DNAJC11: variants seen among roughly 807,000 people sequenced by gnomAD.
DNAJC11 encodes the protein DnaJ heat shock protein family (Hsp40) member C11, also known as dnaJ homolog subfamily C member 11.
Under a neutral mutation model 78.6 loss-of-function variants are expected in DNAJC11, and 15 were observed. The ratio of observed to expected loss-of-function variants is 0.19; its 90% CI spans 0.13 to 0.29. The LOEUF (loss-of-function observed/expected upper bound fraction) is 0.29, where lower values mean the gene tolerates loss of function less well. DNAJC11 is among the 10% of genes least tolerant of loss of function. DNAJC11 has a pLI of 1.00. For missense variants in DNAJC11, 547 were observed against 709.6 expected, an observed-to-expected ratio of 0.77 and a Z score of 2.60; for synonymous variants, 292 against 272.1, an observed-to-expected ratio of 1.07 and a Z score of -0.72.
At chr1:6,684,776 G>A (rs553725221) in intron 1 of DNAJC11, among the ~76,000 whole-genome samples, 96 of 152,154 alleles carry the variant, frequency 6.3e-4, no homozygotes, top group Non-Finnish European at 1.1e-3. Flanking sequence ...ACACCTAAAG[G>A]TACATTCTTA....
Position 6,696,513 on chromosome 1 carries a change from T to C in DNAJC11, c.72+5216A>G, listed in dbSNP as rs576560954. Among the ~76,000 whole-genome samples, 11 of 152,290 alleles carry C rather than the reference T, an allele frequency of 7.2e-5. No individual in the cohort carries two copies. In the South Asian group the frequency reaches 1.5e-3, roughly 20 times the overall value. ...CTACTCTTCTAGCCCTTCCTTTCCATCTGCAGCTCAAACTCAACTGTTGGG... is the reference window on the plus strand; with the variant it reads ...CTACTCTTCTAGCCCTTCCTTTCCACCTGCAGCTCAAACTCAACTGTTGGG... On this transcript the variant is annotated intron_variant, in intron 1 of 15. Coordinates refer to ENST00000377577, the MANE Select transcript of DNAJC11 (RefSeq NM_018198.4).
intron 1 of DNAJC11, among the ~76,000 whole-genome samples, chr1:6,694,271 G>A (rs1012613930): frequency 6.6e-6 from 1 of 152,108 alleles, no homozygotes; most frequent in African/African-American, 2.4e-5. Flanking sequence ...TATGGGGCAA[G>A]TTCAGCTAAC....
chr1:6,638,592 A>AGT (rs1449885905), intron 11 of DNAJC11, among the ~76,000 whole-genome samples: 1 of 152,174 alleles, frequency 6.6e-6, no homozygotes, highest in African/African-American at 2.4e-5. Flanking sequence ...CCTCCTCACC[A>AGT]AGCTGACGGG....
chr1:6,673,195 C>CAAT (rs1642408099), intron 3 of DNAJC11, among the ~76,000 whole-genome samples: 1 of 39,292 alleles, frequency 2.5e-5, no homozygotes, highest in Non-Finnish European at 4.1e-5. Context: ...AACTCCATCT[C>CAAT]AAAAAAAAAA....
At chr1:6,700,114 T>A (rs1245287129) in intron 1 of DNAJC11, among the ~76,000 whole-genome samples, 1 of 152,212 alleles carries the variant, frequency 6.6e-6, no homozygotes, top group Non-Finnish European at 1.5e-5. Flanking sequence ...ATTGGCCTTA[T>A]GACAATACAC....
At chr1:6,696,071 C>T (rs1468644430) in intron 1 of DNAJC11, among the ~76,000 whole-genome samples, 1 of 152,190 alleles carries the variant, frequency 6.6e-6, no homozygotes, top group Non-Finnish European at 1.5e-5. Context: ...AGCCTCTTGG[C>T]TTACAGAACA....
At chr1:6,659,685 C>T (rs1642179355) in intron 4 of DNAJC11, among the ~76,000 whole-genome samples, 1 of 152,082 alleles carries the variant, frequency 6.6e-6, no homozygotes, top group Non-Finnish European at 1.5e-5. Flanking sequence ...TGCTTGAATC[C>T]AGGAGGTGGA....
At position 6,635,271 on chromosome 1, in the gene DNAJC11, G is replaced by T. The variant is rs11892; in HGVS notation, c.*404C>A. ...TTTCAGGTTGTTTCCCATGTTCAGC[G>T]TGGACTGCAGAAGTGGCTCACGCTC... On this transcript the variant is annotated 3_prime_UTR_variant, in exon 16 of 16. Transcript: ENST00000377577. The T allele has an allele frequency of 0.33, 59,364 of 182,400 alleles. 9,950 individuals carry two copies. The highest frequency in any genetic ancestry group is 0.42 in the South Asian group (3,363 of 8,040). The allele number at this position is 182,400 out of a possible 1,614,324, so 11.3% of individuals were successfully genotyped here. A position where few individuals can be genotyped will look rare whatever the true frequency, so the allele number is the denominator to read the frequency against.
rs759679317 is a variant in DNAJC11 at position 6,645,026 on chromosome 1, C to T, written c.980+15G>A. ...AGTACCAGTGTGCTTCCATTTTAGC[C>T]AGGCCAGGACTTACTTGAGGGATCC... On this transcript the variant is annotated intron_variant, in intron 9 of 15. Transcript: ENST00000377577. The surrounding 1 kb of genome is among the most constrained non-coding windows in gnomAD (Gnocchi z 4.1). 65 of 1,612,882 alleles carry T rather than the reference C, an allele frequency of 4.0e-5. No individual in the cohort carries two copies. The East Asian group carries it at 1.4e-3, about 35-fold the overall frequency.
At chr1:6,655,200 T>C (rs1030064716) in intron 4 of DNAJC11, among the ~76,000 whole-genome samples, 4 of 152,242 alleles carry the variant, frequency 2.6e-5, no homozygotes, top group African/African-American at 9.6e-5. Context: ...AATGCTACTA[T>C]AAACTCAATC....
At chr1:6,695,832 A>T (rs1000344463) in intron 1 of DNAJC11, among the ~76,000 whole-genome samples, 2 of 151,966 alleles carry the variant, frequency 1.3e-5, no homozygotes, top group African/African-American at 4.8e-5. Context: ...AAATTGAGAA[A>T]CAGAAAGGTT....
At position 6,666,946 on chromosome 1, in the gene DNAJC11, G is replaced by A. The variant is rs183600329; in HGVS notation, c.378+763C>T. ...TTTAAACACAGCTGAACAGTACACCGGGCCATGTTTCATTAGCCATTCAGT... is the reference window on the plus strand; with the variant it reads ...TTTAAACACAGCTGAACAGTACACCAGGCCATGTTTCATTAGCCATTCAGT... On this transcript the variant is annotated intron_variant, in intron 4 of 15. Transcript: ENST00000377577. Among the ~76,000 whole-genome samples, 5 of 152,154 alleles carry A rather than the reference G, an allele frequency of 3.3e-5. No individual in the cohort carries two copies. In the East Asian group the frequency reaches 5.8e-4, roughly 18 times the overall value.
At chr1:6,696,673 C>T (rs1570319530) in intron 1 of DNAJC11, among the ~76,000 whole-genome samples, 2 of 152,188 alleles carry the variant, frequency 1.3e-5, no homozygotes, top group African/African-American at 2.4e-5. Flanking sequence ...GTAGGTGATA[C>T]TTTTGTACTT....
chr1:6,688,720 GTCCAAGA>G (rs1237267882), intron 1 of DNAJC11, among the ~76,000 whole-genome samples: 2 of 152,204 alleles, frequency 1.3e-5, no homozygotes, highest in African/African-American at 4.8e-5. Flanking sequence ...TGCTTTGGGT[GTCCAAGA>G]TGGGCTGCAG....
intron 3 of DNAJC11, among the ~76,000 whole-genome samples, chr1:6,668,912 C>T (rs1262377859): frequency 4.6e-5 from 7 of 152,044 alleles, no homozygotes; most frequent in African/African-American, 9.7e-5. Context: ...TCCGGCCTGG[C>T]GCGGTGGCTC....
intron 14 of DNAJC11, among the ~76,000 whole-genome samples, chr1:6,636,535 C>T (rs546058811): frequency 6.6e-6 from 1 of 152,288 alleles, no homozygotes; most frequent in Non-Finnish European, 1.5e-5. Flanking sequence ...GGTCCATGCC[C>T]CAGGCCCCAG....
intron 15 of DNAJC11, 88 bp downstream of exon 15, chr1:6,636,029 G>A: frequency 6.7e-7 from 1 of 1,498,970 alleles, no homozygotes; most frequent in South Asian, 1.3e-5. Context: ...TGAGGAAGGT[G>A]GAAGGTGGCT....
At chr1:6,666,385 C>CTTTTTCT (rs1557478810) in intron 4 of DNAJC11, among the ~76,000 whole-genome samples, 1 of 120,620 alleles carries the variant, frequency 8.3e-6, no homozygotes, top group African/African-American at 3.1e-5. Flanking sequence ...TCTTTCTTTT[C>CTTTTTCT]TTTTTTTTTT....
chr1:6,639,756 C>G, intron 11 of DNAJC11, 146 bp downstream of exon 11: 1 of 776,350 alleles, frequency 1.3e-6, no homozygotes, highest in Non-Finnish European at 1.9e-6. Context: ...GTGACCCAGA[C>G]ATCAGCCTAA....
Sources: gnomAD v4.1 joint callset for allele counts (sites outside exome capture counted in the v4.1 genomes callset) on GRCh38, gnomAD v4.1.1 for gene constraint, Gnocchi (gnomAD v3.1) non-coding constraint, MANE v1.5 for transcripts, NCBI Gene and HGNC (gene_info 2026-07-23, HGNC 2026-07-21) for gene names.